The following PCDHGB6 variants were observed in gnomAD, a reference collection of about 807,000 sequenced individuals.
PCDHGB6 encodes the protein protocadherin gamma-B6.
In PCDHGB6, 51 loss-of-function variants were observed where a neutral mutation model predicts 59.1. That is an observed-to-expected ratio of 0.86 (90% confidence interval 0.69 to 1.09). The LOEUF is 1.09. PCDHGB6 is among the 50% of genes least tolerant of loss of function. The pLI is 0.00. For synonymous variants in PCDHGB6, 466 were observed against 495.1 expected (o/e 0.94, Z 0.78); for missense variants, 1,148 against 1,205.1 (o/e 0.95, Z 0.70).
rs1344329529 is a variant in PCDHGB6, at chr5:141,456,847, C to T, written c.2419-37960C>T. Among the ~76,000 whole-genome samples the T allele has an allele frequency of 2.0e-5, 3 of 152,084 alleles. No homozygotes were observed. The East Asian group carries it at 5.8e-4, about 29-fold the overall frequency. ...TCGTGGTAGTGGGCGCCTGTAATCC[C>T]AGCTAATTGGGAGGCTGAGGCAGGA... On this transcript the variant is annotated intron_variant, in intron 1 of 3. Transcript: ENST00000520790.
At chr5:141,453,482 A>T (rs979979155) in intron 1 of PCDHGB6, among the ~76,000 whole-genome samples, 1 of 151,990 alleles carries the variant, frequency 6.6e-6, no homozygotes, top group Non-Finnish European at 1.5e-5. Context: ...CAAAACTATT[A>T]AAAAAAGGTG....
At chr5:141,446,837 T>G (rs2098518039) in intron 1 of PCDHGB6, among the ~76,000 whole-genome samples, 1 of 152,168 alleles carries the variant, frequency 6.6e-6, no homozygotes, top group South Asian at 2.1e-4. Flanking sequence ...CTTATAAGGC[T>G]GAGCATAATA....
rs767400679 is a variant in PCDHGB6, at chr5:141,476,863, C to T, written c.2419-17944C>T. 2.2e-5 allele frequency: 35 copies of T among 1,613,740 alleles called. No individual in the cohort carries two copies. Among genetic ancestry groups the T allele is most frequent in the Non-Finnish European group, 2.8e-5 (33 of 1,180,062 alleles). On this transcript the variant is annotated intron_variant, in intron 1 of 3. Coordinates refer to ENST00000520790, the MANE Select transcript of PCDHGB6 (RefSeq NM_018926.3). The surrounding 1 kb of genome is among the most constrained non-coding windows in gnomAD (Gnocchi z 7.6). ...CGCCTGTCTTCAACCAGTCCTTGTA[C>T]CGGGCGCGCGTCCTGGAGGATGCAC...
At chr5:141,474,447 G>A (rs1263877262) in intron 1 of PCDHGB6, among the ~76,000 whole-genome samples, 1 of 152,218 alleles carries the variant, frequency 6.6e-6, no homozygotes, top group Non-Finnish European at 1.5e-5. Flanking sequence ...AGTAGCAAGT[G>A]ATTGGGCTAT....
At position 141,477,210 on chromosome 5, in the gene PCDHGB6, C is replaced by A. The variant is rs780852225; in HGVS notation, c.2419-17597C>A. On this transcript the variant is annotated intron_variant, in intron 1 of 3. Transcript: ENST00000520790. This position sits in a 1 kb window ranked among gnomAD's most constrained non-coding sequence, Gnocchi z 4.9. ...GTGTACAGCCCAGTACCCGAGGATG[C>A]CCCTCTGGGGACTGTCATCGCTTTG... The A allele has an allele frequency of 6.2e-7, 1 of 1,614,142 alleles. No homozygotes were observed. The highest frequency in any genetic ancestry group is 8.5e-7 in the Non-Finnish European group (1 of 1,180,030).
At position 141,409,702 on chromosome 5, in the gene PCDHGB6, G is replaced by C. The variant is rs545411022; in HGVS notation, c.1500G>C (p.Ala500=). Residue 500 remains alanine, a synonymous_variant, in exon 1 of 4, where the codon GCG becomes GCC. Transcript: ENST00000520790. The stretch of plus-strand genomic sequence containing the variant: ...TGGCGAGTGACCTAGAGCCCCTGGC[G>C]GTGTCGTCATACGTGTCAGTGAGCG... ...SIVASDLEPL[A]VSSYVSVSAQ... 1.2e-6 allele frequency: 2 copies of C among 1,613,108 alleles called. No homozygotes were observed. Among genetic ancestry groups the C allele is most frequent in the African/African-American group, 2.7e-5 (2 of 74,956 alleles).
intron 1 of PCDHGB6, chr5:141,475,814 TC>T: frequency 3.0e-6 from 1 of 338,520 alleles, no homozygotes; most frequent in Non-Finnish European, 5.4e-6. Flanking sequence ...AAAGTGAAGT[TC>T]CTGGCGCTAG....
chr5:141,433,671 A>G (rs1376085577), intron 1 of PCDHGB6, among the ~76,000 whole-genome samples: 12 of 152,058 alleles, frequency 7.9e-5, no homozygotes, highest in Admixed American at 7.2e-4. Flanking sequence ...CCCCGTCTAT[A>G]CTAAAAAAAT....
chr5:141,502,087 C>T (rs1289663374), intron 2 of PCDHGB6, among the ~76,000 whole-genome samples: 1 of 152,180 alleles, frequency 6.6e-6, no homozygotes, highest in Admixed American at 6.5e-5. Context: ...GGGCTGAGAA[C>T]ACCTGGCCTT....
At chr5:141,417,832 G>C in intron 1 of PCDHGB6, 1 of 1,528,846 alleles carries the variant, frequency 6.5e-7, no homozygotes. Flanking sequence ...CTGGAAAAGC[G>C]GGGACCCAGC....
intron 1 of PCDHGB6, chr5:141,475,949 G>A: frequency 1.3e-6 from 1 of 758,910 alleles, no homozygotes; most frequent in South Asian, 1.9e-5. Flanking sequence ...TCCCCTTTCT[G>A]CGCCCCGGGA....
Position 141,487,613 on chromosome 5 carries a change from G to C in PCDHGB6, c.2419-7194G>C, listed in dbSNP as rs1460090760. 1 of 1,614,218 alleles carries C rather than the reference G, an allele frequency of 6.2e-7. No homozygotes were observed. ...ACCCTCTGATCTTCTCTATGGGCTA[G>C]AGGTGAGACCTTTGCAGGCTCAACA... On this transcript the variant is annotated intron_variant, in intron 1 of 3. Coordinates refer to ENST00000520790, the MANE Select transcript of PCDHGB6 (RefSeq NM_018926.3). The surrounding 1 kb of genome is among the most constrained non-coding windows in gnomAD (Gnocchi z 5.0).
At chr5:141,458,413 G>A (rs138479316) in intron 1 of PCDHGB6, among the ~76,000 whole-genome samples, 1 of 152,196 alleles carries the variant, frequency 6.6e-6, no homozygotes, top group East Asian at 1.9e-4. Context: ...CGGAGCGGGG[G>A]TTCCAAAGCT....
Position 141,410,369 on chromosome 5 carries a change from A to T in PCDHGB6, c.2167A>T (p.Thr723Ser), listed in dbSNP as rs754541017. ...LRLRRSLSPA[T>S]WDCFHPGLCV... is the part of the protein sequence containing the mutation. Reference sequence around the variant, plus strand: ...CCTGCGACGCTCTCTCAGCCCTGCTACTTGGGACTGCTTCCATCCTGGTCT... The same window carrying T: ...CCTGCGACGCTCTCTCAGCCCTGCTTCTTGGGACTGCTTCCATCCTGGTCT... The change falls in exon 1 of 4, where the codon ACT becomes TCT. Residue 723 changes from threonine (T) to serine (S), a missense_variant. This residue lies in a region of PCDHGB6 where 283 missense variants were observed against 318.6 expected (regional missense o/e 0.89). Coordinates refer to ENST00000520790, the MANE Select transcript of PCDHGB6 (RefSeq NM_018926.3). The T allele has an allele frequency of 5.6e-6, 9 of 1,613,836 alleles. No homozygotes were observed. The African/African-American group carries it at 1.2e-4, about 22-fold the overall frequency.
chr5:141,421,403 A>G, intron 1 of PCDHGB6: 1 of 1,614,054 alleles, frequency 6.2e-7, no homozygotes, highest in Non-Finnish European at 8.5e-7. Context: ...GAGCCCCGGG[A>G]GCTGGCGAAG....
chr5:141,414,792 C>T (rs2095788725), intron 1 of PCDHGB6: 6 of 1,614,230 alleles, frequency 3.7e-6, no homozygotes, highest in African/African-American at 2.7e-5. Flanking sequence ...TGACAGCCAG[C>T]GACAGCGGGG....
rs1003050993 is a variant in PCDHGB6, at chr5:141,477,637, T to A, written c.2419-17170T>A. ...AAGGAGCTGAAACCGGGCTAGTGGG[T>A]CGCTATTTCACAATAAATCGTGACA... On this transcript the variant is annotated intron_variant, in intron 1 of 3. Transcript: ENST00000520790. This position sits in a 1 kb window ranked among gnomAD's most constrained non-coding sequence, Gnocchi z 4.9. 6.2e-7 allele frequency: 1 copy of A among 1,614,154 alleles called. No individual in the cohort carries two copies. Among genetic ancestry groups the A allele is most frequent in the African/African-American group, 1.3e-5 (1 of 75,040 alleles).
At chr5:141,434,978 C>G (rs1287204052) in intron 1 of PCDHGB6, among the ~76,000 whole-genome samples, 2 of 151,700 alleles carry the variant, frequency 1.3e-5, no homozygotes, top group Non-Finnish European at 2.9e-5. Flanking sequence ...TTTGTTAATA[C>G]TCTATATCAT....
chr5:141,427,914 A>G (rs757621783), intron 1 of PCDHGB6: 123 of 1,576,802 alleles, frequency 7.8e-5, no homozygotes, highest in Non-Finnish European at 7.6e-5. Context: ...CAGCGCCAAC[A>G]TGAGCCGGCG....
Sources: allele counts gnomAD v4.1 joint callset (sites outside exome capture counted in the v4.1 genomes callset), GRCh38; gene constraint gnomAD v4.1.1; regional missense constraint gnomAD v4.1.1; non-coding constraint Gnocchi (gnomAD v3.1); transcripts MANE v1.5; gene names NCBI Gene and HGNC (gene_info 2026-07-23, HGNC 2026-07-21).